RP1: variants seen among roughly 807,000 people sequenced by gnomAD.
The protein encoded by RP1 is RP1 axonemal microtubule associated, also known as oxygen-regulated protein 1.
A neutral mutation model predicts 14.8 loss-of-function variants in RP1; 16 were observed. The observed-to-expected ratio is 1.08, with a 90% CI of 0.73 to 1.65. RP1 has a LOEUF of 1.65. RP1 is among the 40% of genes most tolerant of loss of function. The probability of loss-of-function intolerance (pLI) is 0.00; values close to 1 mark genes in which losing one functional copy is unlikely to be tolerated. For synonymous variants in RP1, 876 were observed against 883.6 expected (o/e 0.99, Z 0.15); for missense variants, 2,631 against 2,535.0 (o/e 1.04, Z -0.81).
At chr8:54,637,189 A>G (rs2129321114) in intron 3 of RP1, among the ~76,000 whole-genome samples, 1 of 152,318 alleles carries the variant, frequency 6.6e-6, no homozygotes, top group Middle Eastern at 3.4e-3. Flanking sequence ...GAGTCTCATG[A>G]AATATCTGGT....
chr8:54,616,756 C>T (rs1464596013), intron 1 of RP1, among the ~76,000 whole-genome samples: 1 of 152,170 alleles, frequency 6.6e-6, no homozygotes, highest in Non-Finnish European at 1.5e-5. Flanking sequence ...TGTCTGAATT[C>T]ACACTATGTG....
At chr8:54,824,326 C>CA (rs1811332380) in intron 24 of RP1, among the ~76,000 whole-genome samples, 2 of 151,796 alleles carry the variant, frequency 1.3e-5, no homozygotes, top group African/African-American at 4.8e-5. Context: ...ATCACTTCCT[C>CA]AAAAAAACAA....
intron 22 of RP1, among the ~76,000 whole-genome samples, chr8:54,761,327 C>G (rs1809635690): frequency 6.7e-6 from 1 of 150,066 alleles, no homozygotes. Context: ...ACCTTCACCT[C>G]CTGGGTTGAA....
At chr8:54,741,727 A>G (rs1229550071) in intron 19 of RP1, among the ~76,000 whole-genome samples, 3 of 133,030 alleles carry the variant, frequency 2.3e-5, no homozygotes, top group African/African-American at 8.3e-5. Flanking sequence ...ATATATATAT[A>G]TATATATATA....
At chr8:54,681,482 TTGTGTGTGTGTGTGTGTG>T (rs3049538) in intron 12 of RP1, among the ~76,000 whole-genome samples, 2 of 141,666 alleles carry the variant, frequency 1.4e-5, no homozygotes, top group Non-Finnish European at 3.0e-5. Flanking sequence ...ATTTTTTGAT[TTGTGTGTGTGTGTGTGTG>T]TGTGTGTGTG....
intron 1 of RP1, among the ~76,000 whole-genome samples, chr8:54,617,462 C>T (rs772070932): frequency 1.3e-5 from 2 of 152,174 alleles, no homozygotes; most frequent in African/African-American, 2.4e-5. Context: ...AACTCAAAAA[C>T]GTTATGGAGG....
chr8:54,626,136 A>G lies in RP1; in HGVS notation c.2254A>G (p.Thr752Ala), dbSNP rs1244725930. 1.2e-6 allele frequency: 2 copies of G among 1,613,192 alleles called. No homozygotes were observed. The highest frequency in any genetic ancestry group is 1.7e-5 in the Admixed American group (1 of 59,988). ...TTGTTCCAAAAGTAATCTCAATTCC[A>G]CGATTTCCAAGAATTTCCATAGAAA... ...TFCSKSNLNS[T>A]ISKNFHRNKL... Residue 752 changes from threonine to alanine, a missense_variant, in exon 4 of 4, where the codon ACG becomes GCG. Coordinates refer to ENST00000220676, the MANE Select transcript of RP1 (RefSeq NM_006269.2).
intron 1 of RP1, among the ~76,000 whole-genome samples, chr8:54,570,618 G>A (rs1256293585): frequency 2.0e-5 from 3 of 149,796 alleles, no homozygotes; most frequent in African/African-American, 4.9e-5. Flanking sequence ...GTGAGCCACC[G>A]CACCAGACCT....
chr8:54,842,914 G>T (rs942394022), intron 25 of RP1, among the ~76,000 whole-genome samples: 2 of 152,130 alleles, frequency 1.3e-5, no homozygotes, highest in African/African-American at 4.8e-5. Flanking sequence ...CCTCTGCATG[G>T]TCAGCTCTTC....
At chr8:54,576,182 A>G (rs1804637104) in intron 1 of RP1, among the ~76,000 whole-genome samples, 1 of 152,026 alleles carries the variant, frequency 6.6e-6, no homozygotes, top group Non-Finnish European at 1.5e-5. Context: ...CTGGGACTAC[A>G]GGCGCGCGCC....
At chr8:54,605,518 G>T (rs1805412688) in intron 1 of RP1, among the ~76,000 whole-genome samples, 1 of 152,026 alleles carries the variant, frequency 6.6e-6, no homozygotes, top group Non-Finnish European at 1.5e-5. Flanking sequence ...ATATTCTGTT[G>T]ATTTGGGGTG....
At chr8:54,839,175 G>T in intron 25 of RP1, among the ~76,000 whole-genome samples, 1 of 152,148 alleles carries the variant, frequency 6.6e-6, no homozygotes, top group South Asian at 2.1e-4. Flanking sequence ...TGAACAGGTG[G>T]GTTTAAATGC....
intron 25 of RP1, among the ~76,000 whole-genome samples, chr8:54,850,445 A>G (rs930414220): frequency 3.9e-5 from 6 of 152,228 alleles, no homozygotes; most frequent in Non-Finnish European, 7.3e-5. Context: ...TTGAGGTCAG[A>G]TAATTTATCA....
intron 22 of RP1, among the ~76,000 whole-genome samples, chr8:54,767,514 C>A (rs952298836): frequency 2.6e-5 from 4 of 152,084 alleles, no homozygotes; most frequent in Admixed American, 2.6e-4. Flanking sequence ...TGTGTGCCAA[C>A]ATGCCTGGAC....
At chr8:54,677,637 A>C (rs954739793) in intron 8 of RP1, among the ~76,000 whole-genome samples, 1 of 152,128 alleles carries the variant, frequency 6.6e-6, no homozygotes, top group East Asian at 1.9e-4. Context: ...TGAGGCTGGA[A>C]GATTGCTTGA....
At chr8:54,689,692 C>G (rs1807663350) in intron 12 of RP1, among the ~76,000 whole-genome samples, 1 of 151,996 alleles carries the variant, frequency 6.6e-6, no homozygotes, top group Non-Finnish European at 1.5e-5. Context: ...TAAAGGCACA[C>G]TTATTTAAAT....
In RP1 at chr8:54,754,936, G is replaced by T. The variant is rs1203911243; in HGVS notation, c.2941+1G>T. ...AAAGGAGGACAAGCTATTTTTCCAT[G>T]TGTGTTTTTAATCTTCAGTAGCATC... On this transcript the variant is annotated splice_donor_variant, in intron 20 of 22. Transcript: ENST00000636932. LOFTEE classifies it high-confidence loss of function. 6.6e-7 allele frequency: 1 copy of T among 1,519,406 alleles called. No individual in the cohort carries two copies. The highest frequency in any genetic ancestry group is 1.4e-5 in the African/African-American group (1 of 72,394). The allele number at this position is 1,519,406 out of a possible 1,614,324, so 94.1% of individuals were successfully genotyped here.
chr8:54,855,193 T>C (rs1228438436), intron 26 of RP1, among the ~76,000 whole-genome samples: 1 of 152,216 alleles, frequency 6.6e-6, no homozygotes, highest in Non-Finnish European at 1.5e-5. Flanking sequence ...TCACTTAGCA[T>C]AATATCCTCA....
At chr8:54,731,069 T>C (rs1370006402) in intron 17 of RP1, among the ~76,000 whole-genome samples, 3 of 152,154 alleles carry the variant, frequency 2.0e-5, no homozygotes, top group Non-Finnish European at 4.4e-5. Flanking sequence ...AAATCTGTCC[T>C]TTTATGGCCA....
Sources: allele counts gnomAD v4.1 joint callset (sites outside exome capture counted in the v4.1 genomes callset), GRCh38; gene constraint gnomAD v4.1.1; transcripts MANE v1.5; gene names NCBI Gene and HGNC (gene_info 2026-07-23, HGNC 2026-07-21).